FYB1: variants seen among roughly 807,000 people sequenced by gnomAD.
FYB1 encodes the protein FYN-binding protein 1.
In FYB1, 41 loss-of-function variants were observed where a neutral mutation model predicts 94.1. That is an observed-to-expected ratio of 0.44 (90% CI 0.34 to 0.57). FYB1 has a LOEUF of 0.57. FYB1 is among the 20% of genes least tolerant of loss of function. FYB1 has a pLI of 0.02. For missense variants in FYB1, 1,050 were observed against 976.8 expected (o/e 1.07, Z -1.00); for synonymous variants, 367 against 353.2 (o/e 1.04, Z -0.44).
chr5:39,187,776 A>C (rs1746973192), intron 2 of FYB1, among the ~76,000 whole-genome samples: 1 of 152,098 alleles, frequency 6.6e-6, no homozygotes, highest in African/African-American at 2.4e-5. Context: ...AGATTTTCAA[A>C]GTCTATTTGT....
intron 2 of FYB1, among the ~76,000 whole-genome samples, chr5:39,199,177 CAGAATTT>C (rs966025937): frequency 2.0e-5 from 3 of 151,790 alleles, no homozygotes; most frequent in Admixed American, 2.0e-4. Context: ...AATAGAATTT[CAGAATTT>C]TAAAAAATTT....
intron 2 of FYB1, among the ~76,000 whole-genome samples, chr5:39,168,347 CTTGT>C (rs1744929138): frequency 3.3e-5 from 5 of 152,158 alleles, no homozygotes; most frequent in African/African-American, 1.2e-4. Flanking sequence ...TTGGCCTGCA[CTTGT>C]TAGCCTGAGA....
intron 3 of FYB1, among the ~76,000 whole-genome samples, chr5:39,149,162 A>G (rs1185536563): frequency 2.0e-5 from 3 of 152,308 alleles, no homozygotes; most frequent in Middle Eastern, 6.8e-3. Flanking sequence ...CTTTATTTTC[A>G]GTTATTTAGG....
intron 6 of FYB1, 195 bp from the exon 7 acceptor site, chr5:39,137,915 A>AC: frequency 1.6e-6 from 1 of 622,032 alleles, no homozygotes; most frequent in South Asian, 2.1e-5. Context: ...TGCTGAGGAT[A>AC]CCTTCCAAAG....
intron 1 of FYB1, among the ~76,000 whole-genome samples, chr5:39,273,584 G>A (rs565724759): frequency 3.3e-5 from 5 of 152,320 alleles, no homozygotes; most frequent in African/African-American, 1.2e-4. Flanking sequence ...TATGGGCACT[G>A]CAATTAGTCC....
intron 1 of FYB1, among the ~76,000 whole-genome samples, chr5:39,234,681 G>A (rs561998127): frequency 5.3e-5 from 8 of 152,244 alleles, no homozygotes; most frequent in Admixed American, 4.6e-4. Context: ...GGAAAATGTG[G>A]CACATATACA....
chr5:39,231,803 A>C (rs1234075388), intron 1 of FYB1, among the ~76,000 whole-genome samples: 1 of 151,794 alleles, frequency 6.6e-6, no homozygotes, highest in African/African-American at 2.4e-5. Flanking sequence ...TTCCCACAGA[A>C]TCAGCAATTC....
intron 16 of FYB1, among the ~76,000 whole-genome samples, chr5:39,113,565 T>C (rs556316846): frequency 5.3e-5 from 8 of 152,264 alleles, no homozygotes; most frequent in Admixed American, 2.0e-4. Flanking sequence ...TCAGGATGAA[T>C]GACTCACCTT....
At chr5:39,226,539 T>G (rs1750480908) in intron 1 of FYB1, among the ~76,000 whole-genome samples, 1 of 152,198 alleles carries the variant, frequency 6.6e-6, no homozygotes, top group South Asian at 2.1e-4. Context: ...CCTTTGTTAA[T>G]CCACCCTTTT....
At chr5:39,183,034 G>C (rs1746403421) in intron 2 of FYB1, among the ~76,000 whole-genome samples, 1 of 152,188 alleles carries the variant, frequency 6.6e-6, no homozygotes, top group South Asian at 2.1e-4. Context: ...TTTTTGGGGG[G>C]TAGAAGGGAT....
chr5:39,168,491 C>T (rs189910081), intron 2 of FYB1, among the ~76,000 whole-genome samples: 32 of 152,186 alleles, frequency 2.1e-4, no homozygotes, highest in African/African-American at 7.5e-4. Context: ...CTGAGAATGT[C>T]CAAAGACCTT....
At chr5:39,259,711 T>A (rs1752136470) in intron 1 of FYB1, among the ~76,000 whole-genome samples, 1 of 152,186 alleles carries the variant, frequency 6.6e-6, no homozygotes, top group Non-Finnish European at 1.5e-5. Flanking sequence ...AATAATAGAA[T>A]ACTATCCAAA....
At chr5:39,142,619 T>G (rs1742291509) in intron 3 of FYB1, among the ~76,000 whole-genome samples, 1 of 152,206 alleles carries the variant, frequency 6.6e-6, no homozygotes, top group Non-Finnish European at 1.5e-5. Context: ...AACAAACACT[T>G]CACTTTACCT....
chr5:39,240,474 C>G (rs1399651836), intron 1 of FYB1, among the ~76,000 whole-genome samples: 1 of 151,980 alleles, frequency 6.6e-6, no homozygotes, highest in Non-Finnish European at 1.5e-5. Flanking sequence ...AACAACTTAA[C>G]AAGCCAAAAT....
chr5:39,122,496 A>G, intron 13 of FYB1, 94 bp from the exon 14 acceptor site: 1 of 756,742 alleles, frequency 1.3e-6, no homozygotes, highest in South Asian at 1.7e-5. Context: ...GATTGCTTCA[A>G]GGACAATAAA....
intron 14 of FYB1, 145 bp downstream of exon 14, chr5:39,122,191 G>A (rs1740183617): frequency 1.7e-6 from 1 of 590,292 alleles, no homozygotes; most frequent in Middle Eastern, 2.9e-4. Context: ...GCTGAGATTG[G>A]AAGGAAGCAT....
At chr5:39,233,225 G>A (rs1308914904) in intron 1 of FYB1, among the ~76,000 whole-genome samples, 1 of 152,110 alleles carries the variant, frequency 6.6e-6, no homozygotes, top group Non-Finnish European at 1.5e-5. Flanking sequence ...GCAAATAAAC[G>A]GTTTGGTTTA....
chr5:39,127,450 CAAA>C (rs34709432), intron 11 of FYB1, among the ~76,000 whole-genome samples: 3 of 66,412 alleles, frequency 4.5e-5, no homozygotes, highest in African/African-American at 4.7e-5. Flanking sequence ...GACTCTGTCT[CAAA>C]AAAAAAAAAA....
chr5:39,207,461 A>G (rs767609197), intron 1 of FYB1, among the ~76,000 whole-genome samples: 6 of 152,184 alleles, frequency 3.9e-5, no homozygotes, highest in Admixed American at 6.5e-5. Context: ...CAACCTCCAG[A>G]TTGACAGTTA....
Sources: gnomAD v4.1 joint callset for allele counts (sites outside exome capture counted in the v4.1 genomes callset) on GRCh38, gnomAD v4.1.1 for gene constraint, MANE v1.5 for transcripts, NCBI Gene and HGNC (gene_info 2026-07-23, HGNC 2026-07-21) for gene names.